The following UST variants were observed in gnomAD, a reference collection of about 807,000 sequenced individuals.
UST encodes uronyl 2-sulfotransferase, also known as chondroitin sulfate 2-O-sulfotransferase.
A neutral mutation model predicts 45.6 loss-of-function variants in UST; 21 were observed. That is an observed-to-expected ratio of 0.46 (90% CI 0.33 to 0.66). UST has a LOEUF of 0.66. UST is among the 30% of genes least tolerant of loss of function. The pLI is 0.02. For synonymous variants in UST, 215 were observed against 200.6 expected (o/e 1.07, Z -0.61); for missense variants, 463 against 512.4 (o/e 0.90, Z 0.93).
At chr6:148,792,620 G>A (rs76274945) in intron 1 of UST, among the ~76,000 whole-genome samples, 1 of 152,292 alleles carries the variant, frequency 6.6e-6, no homozygotes, top group African/African-American at 2.4e-5. Context: ...GCAGAGATGT[G>A]TGTCTCATGT....
At chr6:148,822,338 A>C (rs1777483628) in intron 1 of UST, among the ~76,000 whole-genome samples, 1 of 152,218 alleles carries the variant, frequency 6.6e-6, no homozygotes, top group African/African-American at 2.4e-5. Flanking sequence ...CTTTGAGAAG[A>C]AACTGACCTA....
At chr6:148,910,204 G>A (rs1031454888) in intron 2 of UST, among the ~76,000 whole-genome samples, 3 of 138,564 alleles carry the variant, frequency 2.2e-5, no homozygotes, top group African/African-American at 8.2e-5. Context: ...GCAATGGCAC[G>A]ATCTTGGCTC....
intron 1 of UST, among the ~76,000 whole-genome samples, chr6:148,796,415 G>A (rs1454272486): frequency 6.6e-6 from 1 of 152,054 alleles, no homozygotes; most frequent in Non-Finnish European, 1.5e-5. Flanking sequence ...CACAAGGTCA[G>A]GAGTTCGAGA....
chr6:148,920,066 G>A (rs531291666), intron 2 of UST, among the ~76,000 whole-genome samples: 3 of 151,558 alleles, frequency 2.0e-5, no homozygotes, highest in African/African-American at 7.4e-5. Context: ...GTAGAAGGCA[G>A]GTACACAAAA....
chr6:148,886,997 TA>T lies in UST; in HGVS notation c.260del (p.Tyr87SerfsTer24). On this transcript the variant is annotated frameshift_variant, in exon 2 of 8. Transcript: ENST00000367463. LOFTEE classifies it high-confidence loss of function. ...CCTTTATTTTCTAGGAAATTCCACT[TA>T]CTTGGATGACCATGGACCACCTCCT... ...DLRQYLGNST[Y>X]LDDHGPPPSK... 1 of 1,612,658 alleles carries T rather than the reference TA, an allele frequency of 6.2e-7. No individual in the cohort carries two copies. Among genetic ancestry groups the T allele is most frequent in the Non-Finnish European group, 8.5e-7 (1 of 1,179,446 alleles).
chr6:148,918,211 G>T (rs913927140), intron 2 of UST, among the ~76,000 whole-genome samples: 1 of 152,124 alleles, frequency 6.6e-6, no homozygotes, highest in African/African-American at 2.4e-5. Context: ...ATTGGACTTT[G>T]GTTTCTCATT....
chr6:148,861,420 CAATTTTG>C, intron 1 of UST, among the ~76,000 whole-genome samples: 1 of 152,122 alleles, frequency 6.6e-6, no homozygotes, highest in East Asian at 1.9e-4. Context: ...AGCGGTCTAT[CAATTTTG>C]TTGATCTTTT....
intron 2 of UST, among the ~76,000 whole-genome samples, chr6:148,921,029 G>A (rs10499258): frequency 0.15 from 23,238 of 152,232 alleles, 1,982 homozygotes; most frequent in Middle Eastern, 0.27. Context: ...GATGGCTGGA[G>A]AGGTAATTAG....
chr6:148,791,231 C>T (rs987147513), intron 1 of UST, among the ~76,000 whole-genome samples: 1 of 152,092 alleles, frequency 6.6e-6, no homozygotes, highest in African/African-American at 2.4e-5. Context: ...GGACAGTTCC[C>T]GCAGGAACAA....
intron 3 of UST, among the ~76,000 whole-genome samples, chr6:148,951,087 G>C (rs893657277): frequency 2.0e-5 from 3 of 152,212 alleles, no homozygotes; most frequent in African/African-American, 7.2e-5. Context: ...ACTTGGTCAG[G>C]CTTTAGTGTG....
chr6:148,895,990 A>G (rs1443364944), intron 2 of UST, among the ~76,000 whole-genome samples: 1 of 152,242 alleles, frequency 6.6e-6, no homozygotes, highest in Non-Finnish European at 1.5e-5. Flanking sequence ...TAAAGAAACC[A>G]TGATGTCCAT....
At chr6:148,867,800 A>G (rs1378572258) in intron 1 of UST, among the ~76,000 whole-genome samples, 1 of 152,188 alleles carries the variant, frequency 6.6e-6, no homozygotes, top group Non-Finnish European at 1.5e-5. Flanking sequence ...TATCAGCACC[A>G]TGAGAACAGA....
intron 2 of UST, among the ~76,000 whole-genome samples, chr6:148,931,428 A>C (rs142699245): frequency 1.7e-3 from 260 of 152,362 alleles, no homozygotes; most frequent in African/African-American, 5.2e-3. Context: ...GGAGAGTCAA[A>C]TTAAGTGTGT....
chr6:148,922,855 C>T (rs1265470083), intron 2 of UST, among the ~76,000 whole-genome samples: 2 of 152,072 alleles, frequency 1.3e-5, no homozygotes, highest in East Asian at 3.9e-4. Flanking sequence ...TGCAGTGGCA[C>T]GATCTCGGCT....
chr6:148,932,596 T>A (rs954911656), intron 2 of UST, among the ~76,000 whole-genome samples: 1 of 152,336 alleles, frequency 6.6e-6, no homozygotes, highest in South Asian at 2.1e-4. Context: ...CATTCACCAG[T>A]GTCACCTGAA....
At chr6:148,862,235 C>A (rs1307689589) in intron 1 of UST, among the ~76,000 whole-genome samples, 5 of 152,072 alleles carry the variant, frequency 3.3e-5, no homozygotes, top group African/African-American at 1.2e-4. Context: ...TGAATTGATC[C>A]CTTTGCCATT....
intron 7 of UST, among the ~76,000 whole-genome samples, chr6:149,023,145 T>TG (rs1388057424): frequency 1.8e-4 from 20 of 110,750 alleles, no homozygotes; most frequent in Admixed American, 1.1e-3. Flanking sequence ...TGTGTGTGTG[T>TG]GTGTGGTGTG....
Position 148,948,723 on chromosome 6 carries a change from A to G in UST, c.448-5149A>G, listed in dbSNP as rs367713261. 2.0e-5 allele frequency among the ~76,000 whole-genome samples: 3 copies of G among 152,194 alleles called. No homozygotes were observed. In the East Asian group the frequency reaches 5.8e-4, roughly 29 times the overall value. On this transcript the variant is annotated intron_variant, in intron 3 of 7. Coordinates refer to ENST00000367463, the MANE Select transcript of UST (RefSeq NM_005715.3). ...CTTTCTTTCAAATTTTCAGCACATC[A>G]CAAGAAAAGAAGAAAATTTATATTC...
intron 7 of UST, among the ~76,000 whole-genome samples, chr6:149,065,835 C>T (rs544252846): frequency 4.6e-5 from 7 of 152,312 alleles, no homozygotes; most frequent in African/African-American, 1.7e-4. Context: ...AACCCTCTGG[C>T]AATGTCATTA....
Sources: gnomAD v4.1 joint callset for allele counts (sites outside exome capture counted in the v4.1 genomes callset) on GRCh38, gnomAD v4.1.1 for gene constraint, MANE v1.5 for transcripts, NCBI Gene and HGNC (gene_info 2026-07-23, HGNC 2026-07-21) for gene names.